Variants in MED12L observed in about 807,000 individuals in gnomAD.
MED12L encodes the protein mediator complex subunit 12L.
In MED12L, 60 loss-of-function variants were observed where a neutral mutation model predicts 281.3. The ratio of observed to expected loss-of-function variants is 0.21; its 90% CI spans 0.17 to 0.26. The LOEUF is 0.26. Among genes scored for constraint, MED12L ranks in the 10% least tolerant of loss-of-function variants. The pLI, the probability that MED12L is intolerant of heterozygous loss-of-function variation, is 1.00. For synonymous variants in MED12L, 974 were observed against 987.2 expected, an observed-to-expected ratio of 0.99 and a Z score of 0.25; for missense variants, 2,146 against 2,680.9, an observed-to-expected ratio of 0.80 and a Z score of 4.41.
chr3:151,368,679 C>T (rs1341001673), intron 25 of MED12L, among the ~76,000 whole-genome samples: 289 of 41,730 alleles, frequency 6.9e-3, no homozygotes, highest in Non-Finnish European at 9.2e-3. Context: ...CATTTCATGT[C>T]ATTTCATTTT....
intron 16 of MED12L, among the ~76,000 whole-genome samples, chr3:151,302,004 T>G (rs1399980248): frequency 6.6e-6 from 1 of 152,218 alleles, no homozygotes; most frequent in Non-Finnish European, 1.5e-5. Context: ...AGAAGCCAAG[T>G]GCTGACTGGA....
intron 43 of MED12L, among the ~76,000 whole-genome samples, chr3:151,428,602 C>T (rs1396111368): frequency 1.3e-5 from 2 of 152,094 alleles, no homozygotes; most frequent in Non-Finnish European, 2.9e-5. Flanking sequence ...TATGCCAAGC[C>T]CTTGTCTTTC....
intron 16 of MED12L, among the ~76,000 whole-genome samples, chr3:151,240,049 T>TG (rs985588008): frequency 7.3e-5 from 11 of 151,518 alleles, no homozygotes; most frequent in South Asian, 2.1e-4. Flanking sequence ...TTTTTTTTTT[T>TG]TGTGTGTGTG....
At chr3:151,093,831 G>T (rs1019882974) in intron 2 of MED12L, among the ~76,000 whole-genome samples, 1 of 152,148 alleles carries the variant, frequency 6.6e-6, no homozygotes, top group African/African-American at 2.4e-5. Flanking sequence ...TGTGTCCCTG[G>T]GTTCTCAGTT....
intron 16 of MED12L, among the ~76,000 whole-genome samples, chr3:151,277,574 A>G (rs1378773758): frequency 2.6e-5 from 4 of 152,208 alleles, no homozygotes; most frequent in African/African-American, 7.2e-5. Context: ...GATGGATTGC[A>G]TGGGCTTGGT....
chr3:151,252,701 C>G (rs1415727984), intron 16 of MED12L, among the ~76,000 whole-genome samples: 2 of 152,066 alleles, frequency 1.3e-5, no homozygotes, highest in Non-Finnish European at 2.9e-5. Flanking sequence ...ATGATGCATG[C>G]AAATAGACTG....
intron 16 of MED12L, chr3:151,337,791 T>C: frequency 1.2e-6 from 2 of 1,609,204 alleles, no homozygotes; most frequent in Non-Finnish European, 8.5e-7. Context: ...CACAAAGAGA[T>C]TGAAATATTT....
At chr3:151,206,088 T>TG (rs1388896072) in intron 16 of MED12L, among the ~76,000 whole-genome samples, 1 of 146,736 alleles carries the variant, frequency 6.8e-6, no homozygotes, top group Non-Finnish European at 1.5e-5. Context: ...TTTTTTTTTT[T>TG]TTTTGCACAT....
chr3:151,271,948 A>G (rs551503622), intron 16 of MED12L, among the ~76,000 whole-genome samples: 1 of 152,344 alleles, frequency 6.6e-6, no homozygotes, highest in Admixed American at 6.5e-5. Flanking sequence ...TCAAACCTCA[A>G]TGAACTCTAC....
intron 8 of MED12L, among the ~76,000 whole-genome samples, chr3:151,163,059 A>T (rs1720205112): frequency 6.6e-6 from 1 of 152,236 alleles, no homozygotes. Flanking sequence ...GCAGGATAAC[A>T]TAGTGGTTCT....
intron 16 of MED12L, chr3:151,328,520 G>A (rs1466684): frequency 0.84 from 1,358,404 of 1,613,500 alleles, 573,196 homozygotes; most frequent in African/African-American, 0.95. Flanking sequence ...GCTCAAGATC[G>A]TATTTGGCAG....
intron 9 of MED12L, among the ~76,000 whole-genome samples, chr3:151,164,261 C>G (rs535181627): frequency 6.6e-6 from 1 of 152,270 alleles, no homozygotes; most frequent in South Asian, 2.1e-4. Context: ...CTGAACAGTT[C>G]TTGCTGAGAG....
At chr3:151,331,145 A>T (rs1750305080) in intron 16 of MED12L, among the ~76,000 whole-genome samples, 1 of 152,224 alleles carries the variant, frequency 6.6e-6, no homozygotes, top group Non-Finnish European at 1.5e-5. Flanking sequence ...TTATGGAAAT[A>T]GAGTCTCTTA....
At chr3:151,194,931 G>A (rs922214836) in intron 16 of MED12L, among the ~76,000 whole-genome samples, 1 of 152,134 alleles carries the variant, frequency 6.6e-6, no homozygotes, top group Admixed American at 6.5e-5. Context: ...TTGGGAGGCC[G>A]AGGTGGGCGG....
chr3:151,241,626 A>G (rs1227180984), intron 16 of MED12L, among the ~76,000 whole-genome samples: 1 of 152,186 alleles, frequency 6.6e-6, no homozygotes, highest in Admixed American at 6.5e-5. Flanking sequence ...GTGTGTGTGT[A>G]TATACACACA....
chr3:151,229,889 A>G (rs1731288692), intron 16 of MED12L, among the ~76,000 whole-genome samples: 1 of 152,188 alleles, frequency 6.6e-6, no homozygotes, highest in Non-Finnish European at 1.5e-5. Context: ...CAGCTTGAAG[A>G]TGTTGTTCAA....
chr3:151,426,934 C>A (rs1180196923), intron 43 of MED12L, among the ~76,000 whole-genome samples: 1 of 151,794 alleles, frequency 6.6e-6, no homozygotes, highest in African/African-American at 2.4e-5. Flanking sequence ...CCTCCCACAT[C>A]AGCCTCCTAA....
At chr3:151,212,869 AAGTT>A (rs1267337498) in intron 16 of MED12L, 1 of 152,160 alleles carries the variant, frequency 6.6e-6, no homozygotes, top group African/African-American at 2.4e-5. Context: ...GCCTGCTTTC[AAGTT>A]AGTCTTTAAG....
chr3:151,363,686 C>T (rs1437095459), intron 21 of MED12L, among the ~76,000 whole-genome samples: 1 of 152,114 alleles, frequency 6.6e-6, no homozygotes, highest in African/African-American at 2.4e-5. Flanking sequence ...TAGTAGATGA[C>T]TTTAGTCCTC....
Sources: allele counts gnomAD v4.1 joint callset (sites outside exome capture counted in the v4.1 genomes callset), GRCh38; gene constraint gnomAD v4.1.1; transcripts MANE v1.5; gene names NCBI Gene and HGNC (gene_info 2026-07-23, HGNC 2026-07-21).